The following HDAC9 variants were observed in gnomAD, a reference collection of about 807,000 sequenced individuals.
The protein encoded by HDAC9 is MEF-2 interacting transcription repressor (MITR) protein.
HDAC9 carries 41 observed loss-of-function variants against 139.4 expected under a neutral mutation model. The observed-to-expected ratio is 0.29, with a 90% CI of 0.23 to 0.38. The LOEUF (loss-of-function observed/expected upper bound fraction) is 0.38. HDAC9 is among the 10% of genes least tolerant of loss of function. The pLI, the probability that HDAC9 is intolerant of heterozygous loss-of-function variation, is 1.00. For synonymous variants in HDAC9, 517 were observed against 476.2 expected, an observed-to-expected ratio of 1.09 and a Z score of -1.12; for missense variants, 1,147 against 1,297.0, an observed-to-expected ratio of 0.88 and a Z score of 1.78.
intron 1 of HDAC9, among the ~76,000 whole-genome samples, chr7:18,395,531 G>T (rs1242918285): frequency 6.6e-5 from 6 of 91,068 alleles, no homozygotes; most frequent in Non-Finnish European, 1.3e-4. Flanking sequence ...GTGACCTAAG[G>T]CTTCAAAAAA....
At chr7:18,552,662 A>G (rs1817526786) in intron 2 of HDAC9, among the ~76,000 whole-genome samples, 1 of 152,190 alleles carries the variant, frequency 6.6e-6, no homozygotes. Flanking sequence ...GGAATGGGCT[A>G]TAACTGTAGG....
chr7:18,581,698 C>T (rs1161896336), intron 2 of HDAC9, among the ~76,000 whole-genome samples: 2 of 152,118 alleles, frequency 1.3e-5, no homozygotes, highest in African/African-American at 4.8e-5. Context: ...ATATCATTAA[C>T]TGCCATTGCT....
At chr7:18,231,452 A>T (rs1306214066) in intron 2 of HDAC9, among the ~76,000 whole-genome samples, 1 of 152,206 alleles carries the variant, frequency 6.6e-6, no homozygotes, top group Non-Finnish European at 1.5e-5. Context: ...GTTTAGGACT[A>T]CCTGAGTCAG....
chr7:18,594,968 GA>G (rs1239883670), intron 6 of HDAC9, among the ~76,000 whole-genome samples: 6 of 151,970 alleles, frequency 3.9e-5, no homozygotes, highest in Non-Finnish European at 7.4e-5. Context: ...TCTGCAGAGT[GA>G]AAATGATTTC....
At chr7:18,734,734 T>A (rs1424174953) in intron 13 of HDAC9, among the ~76,000 whole-genome samples, 1 of 152,238 alleles carries the variant, frequency 6.6e-6, no homozygotes, top group Non-Finnish European at 1.5e-5. Flanking sequence ...TGATTTATAA[T>A]CCTTTGGGTA....
At chr7:18,611,068 A>G (rs1836995358) in intron 6 of HDAC9, among the ~76,000 whole-genome samples, 1 of 152,200 alleles carries the variant, frequency 6.6e-6, no homozygotes, top group African/African-American at 2.4e-5. Flanking sequence ...TGTAAGATTT[A>G]TGAGATGAAA....
At chr7:18,881,244 C>G (rs769327515) in intron 22 of HDAC9, among the ~76,000 whole-genome samples, 14 of 152,104 alleles carry the variant, frequency 9.2e-5, no homozygotes, top group Non-Finnish European at 2.1e-4. Flanking sequence ...TCTGAATAAG[C>G]ACTTCAGTTT....
chr7:18,594,048 A>C lies in HDAC9; in HGVS notation c.664+19A>C. ...AAAACTGGTAAGTTGGTTTAACAGG[A>C]ACTCTGTTTGCTCTTCTGTAACACA... On this transcript the variant is annotated intron_variant, in intron 6 of 25. Transcript: ENST00000686413. 6.2e-7 allele frequency: 1 copy of C among 1,611,446 alleles called. No individual in the cohort carries two copies. Among genetic ancestry groups the C allele is most frequent in the Non-Finnish European group, 8.5e-7 (1 of 1,178,244 alleles).
intron 13 of HDAC9, among the ~76,000 whole-genome samples, chr7:18,743,294 C>G (rs1449160809): frequency 2.6e-5 from 4 of 152,118 alleles, no homozygotes; most frequent in African/African-American, 9.7e-5. Context: ...TTGGGAATTT[C>G]TTCTACCCAC....
chr7:18,297,720 A>G (rs1355067190), intron 1 of HDAC9, among the ~76,000 whole-genome samples: 1 of 152,176 alleles, frequency 6.6e-6, no homozygotes, highest in Non-Finnish European at 1.5e-5. Context: ...CAGAAGAACC[A>G]CCAGTGGCAC....
chr7:18,574,061 G>A (rs1289093826), intron 2 of HDAC9, among the ~76,000 whole-genome samples: 2 of 152,250 alleles, frequency 1.3e-5, no homozygotes, highest in South Asian at 2.1e-4. Flanking sequence ...TGAGCAAAGC[G>A]AAGAGGAGCT....
intron 15 of HDAC9, among the ~76,000 whole-genome samples, chr7:18,764,048 T>A (rs909166981): frequency 6.6e-6 from 1 of 152,280 alleles, no homozygotes; most frequent in Non-Finnish European, 1.5e-5. Flanking sequence ...GATGTTTTTT[T>A]AAAAAATTTG....
At chr7:18,920,063 A>G (rs1182585986) in intron 22 of HDAC9, among the ~76,000 whole-genome samples, 1 of 152,166 alleles carries the variant, frequency 6.6e-6, no homozygotes, top group African/African-American at 2.4e-5. Context: ...TGGGGATGGC[A>G]TTGAATCTAT....
At chr7:18,545,054 C>G (rs1329996477) in intron 2 of HDAC9, among the ~76,000 whole-genome samples, 3 of 152,076 alleles carry the variant, frequency 2.0e-5, no homozygotes, top group Non-Finnish European at 2.9e-5. Flanking sequence ...GCAGCTCCCC[C>G]ACAACAAAAT....
chr7:18,132,090 T>C (rs1785050003), intron 1 of HDAC9, among the ~76,000 whole-genome samples: 1 of 152,176 alleles, frequency 6.6e-6, no homozygotes, highest in Admixed American at 6.6e-5. Context: ...CACGCCTCTT[T>C]TTGAAATTCT....
chr7:18,558,801 C>T (rs77082673), intron 2 of HDAC9, among the ~76,000 whole-genome samples: 2,850 of 152,238 alleles, frequency 0.019, 99 homozygotes, highest in African/African-American at 0.065. Flanking sequence ...AATGTAATGA[C>T]GTTTTCTTCA....
At chr7:18,886,079 T>G (rs1442231616) in intron 22 of HDAC9, among the ~76,000 whole-genome samples, 1 of 152,218 alleles carries the variant, frequency 6.6e-6, no homozygotes, top group Non-Finnish European at 1.5e-5. Context: ...TGTCAGGATA[T>G]AAAAACACAA....
At chr7:18,823,620 A>G (rs1488601724) in intron 17 of HDAC9, among the ~76,000 whole-genome samples, 2 of 152,164 alleles carry the variant, frequency 1.3e-5, no homozygotes, top group African/African-American at 4.8e-5. Context: ...GTACAGGCCT[A>G]TGAGGAGATG....
At chr7:18,494,345 G>C (rs1586279495), upstream of HDAC9, among the ~76,000 whole-genome samples, 1 of 151,952 alleles carries the variant, frequency 6.6e-6, no homozygotes, top group Non-Finnish European at 1.5e-5. Flanking sequence ...CCCCTTGTTT[G>C]CCCCCTCTGA....
Sources: allele counts gnomAD v4.1 joint callset (sites outside exome capture counted in the v4.1 genomes callset), GRCh38; gene constraint gnomAD v4.1.1; transcripts MANE v1.5; gene names NCBI Gene and HGNC (gene_info 2026-07-23, HGNC 2026-07-21).